SF3B2: variants seen among roughly 807,000 people sequenced by gnomAD.
SF3B2 encodes SAP 145.
SF3B2 carries 22 observed loss-of-function variants against 116.3 expected under a neutral mutation model. The ratio of observed to expected loss-of-function variants is 0.19; its 90% confidence interval spans 0.14 to 0.27. SF3B2 has a LOEUF of 0.27. SF3B2 is among the 10% of genes least tolerant of loss of function. SF3B2 has a pLI of 1.00. For synonymous variants in SF3B2, 406 were observed against 421.6 expected, an observed-to-expected ratio of 0.96 and a Z score of 0.45; for missense variants, 767 against 1,151.4, an observed-to-expected ratio of 0.67 and a Z score of 4.83.
intron 5 of SF3B2, 39 bp from the exon 6 acceptor site, chr11:66,056,799 C>G: frequency 2.0e-6 from 3 of 1,492,078 alleles, no homozygotes; most frequent in Non-Finnish European, 2.8e-6. Context: ...CTGCCAAATG[C>G]GTTTTCAGGC....
chr11:66,052,921 G>T (rs1856912115), intron 2 of SF3B2, 106 bp from the exon 3 acceptor site: 2 of 1,288,258 alleles, frequency 1.6e-6, no homozygotes, highest in East Asian at 2.3e-5. Flanking sequence ...CAGCCAGAGC[G>T]CTGGCAGACA....
At chr11:66,068,454 TC>T in intron 21 of SF3B2, 121 bp downstream of exon 21, 2 of 1,103,050 alleles carry the variant, frequency 1.8e-6, no homozygotes, top group Non-Finnish European at 2.6e-6. Context: ...GCTCTGTGCT[TC>T]CTTAGATTTG....
chr11:66,054,486 A>AC (rs1856957033), intron 3 of SF3B2, among the ~76,000 whole-genome samples: 1 of 151,942 alleles, frequency 6.6e-6, no homozygotes. Flanking sequence ...TCAAAAAAAA[A>AC]AAAAAAATAC....
At chr11:66,067,813 A>C (rs1307182942) in intron 19 of SF3B2, 133 bp from the exon 20 acceptor site, 3 of 696,772 alleles carry the variant, frequency 4.3e-6, no homozygotes, top group Non-Finnish European at 5.0e-6. Flanking sequence ...GCAGAACTGC[A>C]GAGGCTGCAT....
rs760567670 is a variant in SF3B2, at chr11:66,058,124, G to T, written c.848G>T (p.Arg283Leu). 4 of 1,608,864 alleles carry T rather than the reference G, an allele frequency of 2.5e-6. No individual in the cohort carries two copies. The highest frequency in any genetic ancestry group is 2.2e-5 in the East Asian group (1 of 44,650). The change falls in exon 8 of 22, where the codon CGC (arginine) becomes CTC (leucine). Residue 283 changes from arginine to leucine, a missense_variant. Arg to Leu is a moderately radical substitution (Grantham distance 102, BLOSUM62 -2). Coordinates refer to ENST00000322535, the MANE Select transcript of SF3B2 (RefSeq NM_006842.3). ...LEKILQLKESRQEEMNSQQEE... is the reference protein window; with the variant it reads ...LEKILQLKESLQEEMNSQQEE... ...AAGATCCTGCAGCTGAAGGAGAGCC[G>T]CCAGGAAGAGATGAATTCTCAGCAG...
chr11:66,067,737 A>G, intron 19 of SF3B2: 1 of 558,642 alleles, frequency 1.8e-6, no homozygotes, highest in Non-Finnish European at 3.2e-6. Context: ...GGGGCCCCTT[A>G]GCTCCATCTG....
chr11:66,056,005 G>GT (rs1326806920), intron 5 of SF3B2, among the ~76,000 whole-genome samples: 5 of 152,148 alleles, frequency 3.3e-5, no homozygotes, highest in Admixed American at 1.3e-4. Context: ...GAATAGGACT[G>GT]TAAGTCTGGG....
intron 9 of SF3B2, 56 bp from the exon 10 acceptor site, chr11:66,058,774 G>A (rs534134310): frequency 1.4e-6 from 2 of 1,453,136 alleles, no homozygotes; most frequent in East Asian, 4.6e-5. Flanking sequence ...TAGGGGTTGG[G>A]GTGCTGGCAC....
intron 21 of SF3B2, 36 bp downstream of exon 21, chr11:66,068,369 C>G (rs775146534): frequency 1.3e-6 from 2 of 1,520,744 alleles, no homozygotes; most frequent in Middle Eastern, 2.3e-4. Flanking sequence ...TGGGTGAGAG[C>G]CAGGGACCCT....
chr11:66,055,599 C>G lies in SF3B2; in HGVS notation c.549+14C>G. 6.2e-7 allele frequency: 1 copy of G among 1,613,672 alleles called. No individual in the cohort carries two copies. The highest frequency in any genetic ancestry group is 1.3e-5 in the African/African-American group (1 of 75,024). ...CAGCAGAAGCGGGTAATACCCCTCC[C>G]CCTAACCTTTGACCTCGTGGTCCAG... is the stretch of plus-strand genomic sequence containing the variant. On this transcript the variant is annotated intron_variant, in intron 5 of 21. Transcript: ENST00000322535.
At chr11:66,062,505 AT>A (rs1186018956) in intron 16 of SF3B2, among the ~76,000 whole-genome samples, 8 of 150,742 alleles carry the variant, frequency 5.3e-5, no homozygotes, top group Middle Eastern at 3.4e-3. Flanking sequence ...AAAAGAAATA[AT>A]TTTTTTTTAG....
chr11:66,068,447 C>G lies in SF3B2; in HGVS notation c.2616+114C>G, dbSNP rs948809862. 5 of 1,119,892 alleles carry G rather than the reference C, an allele frequency of 4.5e-6. No individual in the cohort carries two copies. In the African/African-American group the frequency reaches 6.3e-5, roughly 14 times the overall value. The allele number at this position is 1,119,892 out of a possible 1,614,324, so 69.4% of individuals were successfully genotyped here. A position where few individuals can be genotyped will look rare whatever the true frequency, so the allele number is the denominator to read the frequency against. The stretch of plus-strand genomic sequence containing the variant: ...GTGAGGGTGGCCTCTGCTTGCTGCT[C>G]TGTGCTTCCTTAGATTTGGAAGTCT... On this transcript the variant is annotated intron_variant, in intron 21 of 21. Transcript: ENST00000322535.
Position 66,068,801 on chromosome 11 carries a change from C to G in SF3B2, c.*56C>G. 2 of 1,321,454 alleles carry G rather than the reference C, an allele frequency of 1.5e-6. No individual in the cohort carries two copies. The highest frequency in any genetic ancestry group is 4.6e-5 in the East Asian group (2 of 43,452). The allele number at this position is 1,321,454 out of a possible 1,614,324, so 81.9% of individuals were successfully genotyped here. A position where few individuals can be genotyped will look rare whatever the true frequency, so the allele number is the denominator to read the frequency against. On this transcript the variant is annotated 3_prime_UTR_variant, in exon 22 of 22. Coordinates refer to ENST00000322535, the MANE Select transcript of SF3B2 (RefSeq NM_006842.3). ...TACGTCTGGATGCCTGGGCTTCACACAAGAACCACCTCTCCCGCAGTTCCC... is the reference window on the plus strand; with the variant it reads ...TACGTCTGGATGCCTGGGCTTCACAGAAGAACCACCTCTCCCGCAGTTCCC...
intron 14 of SF3B2, among the ~76,000 whole-genome samples, chr11:66,061,082 C>T (rs964590551): frequency 3.4e-4 from 52 of 152,294 alleles, no homozygotes; most frequent in Middle Eastern, 3.4e-3. Context: ...AGGCATGAAC[C>T]ACCGCACCTG....
At position 66,061,911 on chromosome 11, in the gene SF3B2, C is replaced by T. The variant is rs559206953; in HGVS notation, c.1890C>T (p.Pro630=). 6.2e-7 allele frequency: 1 copy of T among 1,613,674 alleles called. No individual in the cohort carries two copies. Among genetic ancestry groups the T allele is most frequent in the East Asian group, 2.2e-5 (1 of 44,868 alleles). The change falls in exon 16 of 22, where the codon CCC becomes CCT. Residue 630 remains proline (P), a synonymous_variant. Transcript: ENST00000322535. ...TGCAGAATGCCCACAAGGTCCCTCCCCCATGGCTGATTGCCATGCAGCGAT... is the reference window on the plus strand; with the variant it reads ...TGCAGAATGCCCACAAGGTCCCTCCTCCATGGCTGATTGCCATGCAGCGAT... ...PVGPNAHKVP[P]PWLIAMQRYG... is the part of the protein sequence containing the mutation.
At chr11:66,062,569 C>A (rs113631731) in intron 16 of SF3B2, among the ~76,000 whole-genome samples, 1 of 120,756 alleles carries the variant, frequency 8.3e-6, no homozygotes, top group African/African-American at 3.0e-5. Context: ...CTTCAAATTT[C>A]TTATTTTAAA....
chr11:66,063,528 T>C lies in SF3B2; in HGVS notation c.2214T>C (p.Ile738=). Residue 738 remains isoleucine, a synonymous_variant, in exon 18 of 22, where the codon ATT becomes ATC. Transcript: ENST00000322535. ...DEDKPDETGF[I]TPADSGLITP... is the part of the protein sequence containing the mutation. ...ACAAACCAGATGAGACAGGCTTTAT[T>C]ACCCCTGCAGACAGGTGGGGGAAGC... The C allele has an allele frequency of 6.2e-7, 1 of 1,613,894 alleles. No homozygotes were observed. The highest frequency in any genetic ancestry group is 1.1e-5 in the South Asian group (1 of 91,030).
chr11:66,058,043 G>A lies in SF3B2; in HGVS notation c.778-11G>A. 6.3e-7 allele frequency: 1 copy of A among 1,587,994 alleles called. No individual in the cohort carries two copies. The highest frequency in any genetic ancestry group is 8.6e-7 in the Non-Finnish European group (1 of 1,164,654). ...TGTGATTTGCCTTCTCTGACTGGGT[G>A]TCTCTGGCAGATGGATGACCCCTCT... On this transcript the variant is annotated splice_polypyrimidine_tract_variant and intron_variant, in intron 7 of 21. Coordinates refer to ENST00000322535, the MANE Select transcript of SF3B2 (RefSeq NM_006842.3).
chr11:66,061,240 C>A (rs565650572), intron 14 of SF3B2, among the ~76,000 whole-genome samples: 1 of 152,158 alleles, frequency 6.6e-6, no homozygotes, highest in Non-Finnish European at 1.5e-5. Context: ...ATAGACTCTT[C>A]GTATCCTGTC....
Sources: allele counts gnomAD v4.1 joint callset (sites outside exome capture counted in the v4.1 genomes callset), GRCh38; gene constraint gnomAD v4.1.1; transcripts MANE v1.5; gene names NCBI Gene and HGNC (gene_info 2026-07-23, HGNC 2026-07-21).